GCSH: variants seen among roughly 807,000 people sequenced by gnomAD.
GCSH encodes glycine cleavage system protein H, also known as glycine cleavage system H protein, mitochondrial.
A neutral mutation model predicts 21.3 loss-of-function variants in GCSH; 15 were observed. That is an observed-to-expected ratio of 0.70 (90% CI 0.47 to 1.08). GCSH has a LOEUF of 1.08. Ranked by LOEUF, GCSH falls within the 50% of genes least tolerant of loss-of-function variation. The probability of loss-of-function intolerance (pLI) is 0.00; values close to 1 mark genes in which losing one functional copy is unlikely to be tolerated. For missense variants in GCSH, 179 were observed against 217.5 expected (o/e 0.82, Z 1.11); for synonymous variants, 59 against 84.5 (o/e 0.70, Z 1.66).
At chr16:81,094,111 G>A (rs1405516717) in intron 1 of GCSH, among the ~76,000 whole-genome samples, 1 of 151,960 alleles carries the variant, frequency 6.6e-6, no homozygotes, top group African/African-American at 2.4e-5. Context: ...TGTTGGCCAG[G>A]CTGGTCTTGA....
At chr16:81,089,725 G>T (rs1972360237) in intron 2 of GCSH, among the ~76,000 whole-genome samples, 1 of 152,228 alleles carries the variant, frequency 6.6e-6, no homozygotes, top group East Asian at 1.9e-4. Context: ...CACTGAACAC[G>T]CTAGGATTTG....
chr16:81,091,801 T>G (rs78217810), intron 1 of GCSH, among the ~76,000 whole-genome samples: 4,656 of 152,156 alleles, frequency 0.031, 190 homozygotes, highest in African/African-American at 0.099. Flanking sequence ...TTTTTTATTT[T>G]TGTAGAGATG....
In GCSH at chr16:81,084,548, A is replaced by T. The variant is rs763751652; in HGVS notation, c.339T>A (p.Tyr113Ter). The stretch of plus-strand genomic sequence containing the variant: ...CAGTTACTTCTCCTGATAAAGGAGA[A>T]TAGAGTTCACTAGCAGCTTTCACAC... ...LESVKAASEL[Y>*]SPLSGEVTEI... Residue 113 changes from tyrosine to a stop codon, truncating the protein, a stop_gained, in exon 4 of 5, where the codon TAT (tyrosine) becomes TAA (stop). Coordinates refer to ENST00000315467, the MANE Select transcript of GCSH (RefSeq NM_004483.5). LOFTEE classifies it high-confidence loss of function. The T allele has an allele frequency of 2.1e-5, 34 of 1,603,040 alleles. No homozygotes were observed. The highest frequency in any genetic ancestry group is 2.9e-5 in the Non-Finnish European group (34 of 1,169,980).
chr16:81,090,789 T>A (rs1333642068), intron 1 of GCSH, 109 bp from the exon 2 acceptor site: 1 of 778,810 alleles, frequency 1.3e-6, no homozygotes, highest in Non-Finnish European at 2.3e-6. Flanking sequence ...GTTTGACCTG[T>A]TGACACTACC....
chr16:81,095,156 C>T (rs1972477477), intron 1 of GCSH, among the ~76,000 whole-genome samples: 1 of 151,886 alleles, frequency 6.6e-6, no homozygotes, highest in African/African-American at 2.4e-5. Flanking sequence ...GCTGAAGTAG[C>T]ACAAATGGCC....
At chr16:81,086,659 C>G (rs1972287114) in intron 3 of GCSH, among the ~76,000 whole-genome samples, 1 of 137,028 alleles carries the variant, frequency 7.3e-6, no homozygotes, top group African/African-American at 2.5e-5. Context: ...ACGAACATGT[C>G]TCAAATCAGA....
chr16:81,087,781 C>T lies in GCSH; in HGVS notation c.229-117G>A, dbSNP rs1972313487. The T allele has an allele frequency of 2.0e-5, 15 of 744,598 alleles. No individual in the cohort carries two copies. The South Asian group carries it at 2.1e-4, about 11-fold the overall frequency. The allele number at this position is 744,598 out of a possible 1,614,324, so 46.1% of individuals were successfully genotyped here. ...ATGAAGATTTAGTATATATTTTATA[C>T]TGGAGGGGCTACATTCTTGAGTTTT... On this transcript the variant is annotated intron_variant, in intron 2 of 4. Transcript: ENST00000315467.
In GCSH at chr16:81,084,680, C is replaced by A; in HGVS notation, c.293-86G>T. The A allele has an allele frequency of 2.2e-6, 2 of 922,714 alleles. 1 individual carries two copies. Among genetic ancestry groups the A allele is most frequent in the Non-Finnish European group, 3.4e-6 (2 of 595,542 alleles). The allele number at this position is 922,714 out of a possible 1,614,324, so 57.2% of individuals were successfully genotyped here. A position where few individuals can be genotyped will look rare whatever the true frequency, so the allele number is the denominator to read the frequency against. ...AAAATACGAAAAAGTAGATTCCTGTCATACAGCTATGATTTTAAAATTCCA... is the reference window on the plus strand; with the variant it reads ...AAAATACGAAAAAGTAGATTCCTGTAATACAGCTATGATTTTAAAATTCCA... On this transcript the variant is annotated intron_variant, in intron 3 of 4. Transcript: ENST00000315467.
intron 1 of GCSH, among the ~76,000 whole-genome samples, chr16:81,092,680 T>A (rs907304619): frequency 3.3e-5 from 5 of 151,690 alleles, no homozygotes; most frequent in Admixed American, 6.6e-5. Flanking sequence ...GAGGCAGAGG[T>A]TGCAGTGAGC....
rs1047399067 is a variant in GCSH, at chr16:81,082,512, C to G, written c.*354G>C. The G allele has an allele frequency of 4.1e-5, 15 of 367,134 alleles. No homozygotes were observed. Among genetic ancestry groups the G allele is most frequent in the African/African-American group, 3.5e-4 (15 of 42,358 alleles). The allele number at this position is 367,134 out of a possible 1,614,324, so 22.7% of individuals were successfully genotyped here. On this transcript the variant is annotated 3_prime_UTR_variant, in exon 5 of 5. Transcript: ENST00000315467. ...GATCATTAAGTATTTCATCCCAAAT[C>G]CAGGTATGGATACATGCAAGTTACA...
chr16:81,093,432 T>C (rs1458211267), intron 1 of GCSH, among the ~76,000 whole-genome samples: 1 of 152,140 alleles, frequency 6.6e-6, no homozygotes, highest in East Asian at 1.9e-4. Flanking sequence ...AATTACTAAT[T>C]GTAATTAGTA....
chr16:81,087,748 C>G (rs8177906), intron 2 of GCSH, 84 bp from the exon 3 acceptor site: 5 of 876,814 alleles, frequency 5.7e-6, no homozygotes, highest in Admixed American at 1.8e-5. Context: ...AACACTGAAT[C>G]CCCTATAATG....
intron 1 of GCSH, among the ~76,000 whole-genome samples, chr16:81,092,022 T>C (rs575893587): frequency 7.9e-5 from 12 of 152,228 alleles, no homozygotes; most frequent in African/African-American, 2.6e-4. Context: ...CACTAAGAAA[T>C]TTATTTTGCT....
At chr16:81,093,867 TGGCCCGACA>T (rs1421935569) in intron 1 of GCSH, among the ~76,000 whole-genome samples, 1 of 152,002 alleles carries the variant, frequency 6.6e-6, no homozygotes, top group African/African-American at 2.4e-5. Flanking sequence ...CTTTAACCCT[TGGCCCGACA>T]GGAAGAAGTG....
intron 3 of GCSH, among the ~76,000 whole-genome samples, chr16:81,085,765 C>T (rs1972260378): frequency 6.6e-6 from 1 of 152,088 alleles, no homozygotes; most frequent in African/African-American, 2.4e-5. Context: ...GAGACTGAGG[C>T]AGGAGAATCA....
At chr16:81,090,160 G>A (rs569186420) in intron 2 of GCSH, among the ~76,000 whole-genome samples, 17 of 150,268 alleles carry the variant, frequency 1.1e-4, no homozygotes, top group African/African-American at 3.9e-4. Context: ...GTGCAATCTC[G>A]GCTTACTGCA....
chr16:81,092,245 A>G (rs764797256), intron 1 of GCSH, among the ~76,000 whole-genome samples: 1 of 152,066 alleles, frequency 6.6e-6, no homozygotes, highest in Non-Finnish European at 1.5e-5. Context: ...GGCACCCTGT[A>G]CCACTATCCC....
chr16:81,087,763 T>C, intron 2 of GCSH, 99 bp from the exon 3 acceptor site: 3 of 827,698 alleles, frequency 3.6e-6, no homozygotes, highest in Non-Finnish European at 4.1e-6. Flanking sequence ...ATAATGAAGA[T>C]TTAGTATATA....
In GCSH at chr16:81,096,353, T is replaced by G; in HGVS notation, c.-75A>C. 7.7e-7 allele frequency: 1 copy of G among 1,291,474 alleles called. No homozygotes were observed. Among genetic ancestry groups the G allele is most frequent in the Non-Finnish European group, 9.9e-7 (1 of 1,007,402 alleles). The allele number at this position is 1,291,474 out of a possible 1,614,324, so 80.0% of individuals were successfully genotyped here. ...GGGAGGCGGGGCGGGGAGGGGCAGT[T>G]CGCGGCCGGAGGGAGCCGGCTGGAT... On this transcript the variant is annotated 5_prime_UTR_variant, in exon 1 of 5. Coordinates refer to ENST00000315467, the MANE Select transcript of GCSH (RefSeq NM_004483.5).
Sources: gnomAD v4.1 joint callset for allele counts (sites outside exome capture counted in the v4.1 genomes callset) on GRCh38, gnomAD v4.1.1 for gene constraint, MANE v1.5 for transcripts, NCBI Gene and HGNC (gene_info 2026-07-23, HGNC 2026-07-21) for gene names.